Variants in TSHZ2 observed in about 807,000 individuals in gnomAD.
The protein encoded by TSHZ2 is teashirt homolog 2.
Under a neutral mutation model 74.4 loss-of-function variants are expected in TSHZ2, and 21 were observed. The ratio of observed to expected loss-of-function variants is 0.28; its 90% CI spans 0.20 to 0.41. TSHZ2 has a LOEUF of 0.41. TSHZ2 is among the 10% of genes least tolerant of loss of function. The pLI, the probability that TSHZ2 is intolerant of heterozygous loss-of-function variation, is 1.00. For synonymous variants in TSHZ2, 540 were observed against 515.3 expected (o/e 1.05, Z -0.65); for missense variants, 1,244 against 1,293.5 (o/e 0.96, Z 0.59).
intron 2 of TSHZ2, among the ~76,000 whole-genome samples, chr20:53,375,038 A>T (rs1479252160): frequency 1.3e-5 from 2 of 152,098 alleles, no homozygotes; most frequent in African/African-American, 2.4e-5. Context: ...TATTTCATTG[A>T]GAATTACATA....
chr20:52,997,185 G>A (rs1422299806), intron 1 of TSHZ2, among the ~76,000 whole-genome samples: 1 of 152,082 alleles, frequency 6.6e-6, no homozygotes, highest in Non-Finnish European at 1.5e-5. Flanking sequence ...TCTTCGTCCT[G>A]TCCCCTCAAA....
intron 2 of TSHZ2, among the ~76,000 whole-genome samples, chr20:53,355,177 C>A (rs567875907): frequency 1.6e-4 from 25 of 151,816 alleles, no homozygotes; most frequent in Admixed American, 3.3e-4. Context: ...TTTAAATAAG[C>A]AAAAAGGAAA....
chr20:53,397,896 T>C (rs1206523237), intron 2 of TSHZ2: 2 of 152,132 alleles, frequency 1.3e-5, no homozygotes, highest in Non-Finnish European at 2.9e-5. Flanking sequence ...AAACACCGCA[T>C]GTTCTCTCTC....
At chr20:53,358,356 T>C (rs1211374616) in intron 2 of TSHZ2, among the ~76,000 whole-genome samples, 85 of 82,250 alleles carry the variant, frequency 1.0e-3, no homozygotes, top group South Asian at 7.1e-3. Flanking sequence ...TTTTTTTTTT[T>C]CCCAAACAGA....
chr20:53,078,188 G>T (rs1985424394), intron 1 of TSHZ2, among the ~76,000 whole-genome samples: 1 of 152,178 alleles, frequency 6.6e-6, no homozygotes, highest in Admixed American at 6.5e-5. Context: ...TGAAGTCAAA[G>T]ATCTAAACCC....
At position 53,113,448 on chromosome 20, in the gene TSHZ2, T is replaced by A. The variant is rs186952962; in HGVS notation, c.41-140051T>A. On this transcript the variant is annotated intron_variant, in intron 1 of 2. Coordinates refer to ENST00000371497, the MANE Select transcript of TSHZ2 (RefSeq NM_173485.6). Reference sequence around the variant, plus strand: ...TATTGTAGTTTATCGCTGTTTAGCGTATAAAATGTTTATTTATCAACCACT... The same window carrying A: ...TATTGTAGTTTATCGCTGTTTAGCGAATAAAATGTTTATTTATCAACCACT... 2.6e-5 allele frequency among the ~76,000 whole-genome samples: 4 copies of A among 152,348 alleles called. No homozygotes were observed. The East Asian group carries it at 7.7e-4, about 29-fold the overall frequency.
intron 1 of TSHZ2, among the ~76,000 whole-genome samples, chr20:53,209,659 A>G (rs1989254679): frequency 6.6e-6 from 1 of 152,222 alleles, no homozygotes; most frequent in Non-Finnish European, 1.5e-5. Flanking sequence ...CAAATCAATC[A>G]AAAAGTGAAT....
In TSHZ2 at chr20:53,123,202, G is replaced by A. The variant is rs189275349; in HGVS notation, c.41-130297G>A. Among the ~76,000 whole-genome samples, 167 of 152,240 alleles carry A rather than the reference G, an allele frequency of 1.1e-3. No homozygotes were observed. In the Middle Eastern group the frequency reaches 0.017, roughly 16 times the overall value. On this transcript the variant is annotated intron_variant, in intron 1 of 2. Transcript: ENST00000371497. ...TTCTATGAAGTAAATATTCTCATCC[G>A]TGTCAGTTATCTATTGACAGGACAG... is the stretch of plus-strand genomic sequence containing the variant.
intron 2 of TSHZ2, among the ~76,000 whole-genome samples, chr20:53,336,459 A>C (rs765468407): frequency 3.3e-5 from 5 of 152,240 alleles, no homozygotes; most frequent in Non-Finnish European, 7.3e-5. Flanking sequence ...CCATGAATAA[A>C]ACAAAAAGAA....
In TSHZ2 at chr20:53,106,704, TTTG is replaced by T. The variant is rs1210433998; in HGVS notation, c.40+133374_40+133376del. On this transcript the variant is annotated intron_variant, in intron 1 of 2. Coordinates refer to ENST00000371497, the MANE Select transcript of TSHZ2 (RefSeq NM_173485.6). ...TGAGCCACCACGCAGGGCATTTTTT[TTTG>T]TTTTTTTTTTGACACAGAGTCCCTC... is the stretch of plus-strand genomic sequence containing the variant. Among the ~76,000 whole-genome samples, 20 of 114,834 alleles carry T rather than the reference TTTG, an allele frequency of 1.7e-4. 1 individual carries two copies. Among genetic ancestry groups the T allele is most frequent in the African/African-American group, 5.8e-4 (17 of 29,262 alleles). 75.3% of individuals were successfully genotyped at this position (114,834 alleles called of 152,430 possible).
chr20:53,460,864 G>C (rs1478173291), intron 2 of TSHZ2, among the ~76,000 whole-genome samples: 1 of 152,228 alleles, frequency 6.6e-6, no homozygotes, highest in African/African-American at 2.4e-5. Context: ...CTGCTCGGGG[G>C]TCAGGGACCC....
chr20:53,276,447 G>T (rs1990948258), intron 2 of TSHZ2, among the ~76,000 whole-genome samples: 1 of 152,124 alleles, frequency 6.6e-6, no homozygotes. Flanking sequence ...TTTTGCTGGG[G>T]ATCACCAGTG....
At chr20:53,149,970 G>A (rs116907893) in intron 1 of TSHZ2, among the ~76,000 whole-genome samples, 2 of 152,326 alleles carry the variant, frequency 1.3e-5, no homozygotes, top group Non-Finnish European at 2.9e-5. Flanking sequence ...TTGCAAAGGG[G>A]AAGTGTTCCT....
chr20:53,441,426 C>T (rs955071286), intron 2 of TSHZ2, among the ~76,000 whole-genome samples: 7 of 151,538 alleles, frequency 4.6e-5, no homozygotes, highest in South Asian at 2.1e-4. Context: ...CCACCAAAAC[C>T]GGCTAGGTTT....
intron 1 of TSHZ2, among the ~76,000 whole-genome samples, chr20:53,014,408 G>C: frequency 6.6e-6 from 1 of 152,244 alleles, no homozygotes; most frequent in East Asian, 1.9e-4. Flanking sequence ...ATGTTGAAGT[G>C]ATTAGAAAAA....
At chr20:53,073,186 A>C (rs904503372) in intron 1 of TSHZ2, among the ~76,000 whole-genome samples, 2 of 136,514 alleles carry the variant, frequency 1.5e-5, no homozygotes, top group African/African-American at 2.8e-5. Flanking sequence ...CTATCCCTCC[A>C]TCCATCCCTC....
chr20:53,294,994 C>T (rs1041695545), intron 2 of TSHZ2, among the ~76,000 whole-genome samples: 6 of 152,198 alleles, frequency 3.9e-5, no homozygotes, highest in African/African-American at 1.4e-4. Context: ...TTTGCTTGGT[C>T]CTCCCTGTGA....
In TSHZ2 at chr20:53,254,835, G is replaced by T; in HGVS notation, c.1377G>T (p.Glu459Asp). 1 of 1,613,944 alleles carries T rather than the reference G, an allele frequency of 6.2e-7. No homozygotes were observed. The highest frequency in any genetic ancestry group is 8.5e-7 in the Non-Finnish European group (1 of 1,179,972). Reference protein sequence around the residue: ...SASDCTASTTELKKESKKERP... With the variant: ...SASDCTASTTDLKKESKKERP... The stretch of plus-strand genomic sequence containing the variant: ...CAGATTGTACAGCCTCTACAACTGA[G>T]TTAAAGAAAGAGAGTAAAAAAGAAA... Residue 459 changes from glutamate to aspartate, a missense_variant, in exon 2 of 3, where the codon GAG becomes GAT. Glu to Asp is a conservative substitution (Grantham distance 45). Coordinates refer to ENST00000371497, the MANE Select transcript of TSHZ2 (RefSeq NM_173485.6).
chr20:53,422,287 G>C (rs1050373407), intron 2 of TSHZ2, among the ~76,000 whole-genome samples: 4 of 152,266 alleles, frequency 2.6e-5, no homozygotes, highest in Admixed American at 2.6e-4. Flanking sequence ...CCAGTGGACA[G>C]TTCTTGGAAA....
Sources: gnomAD v4.1 joint callset for allele counts (sites outside exome capture counted in the v4.1 genomes callset) on GRCh38, gnomAD v4.1.1 for gene constraint, MANE v1.5 for transcripts, NCBI Gene and HGNC (gene_info 2026-07-23, HGNC 2026-07-21) for gene names.